Variants in PTPRD observed in about 807,000 individuals in gnomAD.
PTPRD encodes protein tyrosine phosphatase receptor type D, also known as receptor-type tyrosine-protein phosphatase delta.
A neutral mutation model predicts 214.5 loss-of-function variants in PTPRD; 34 were observed. That is an observed-to-expected ratio of 0.16 (90% confidence interval 0.12 to 0.21). The LOEUF (loss-of-function observed/expected upper bound fraction) is 0.21. Ranked by LOEUF, PTPRD falls within the 10% of genes least tolerant of loss-of-function variation. The probability of loss-of-function intolerance (pLI) is 1.00; values close to 1 mark genes in which losing one functional copy is unlikely to be tolerated. For synonymous variants in PTPRD, 1,128 were observed against 845.7 expected, an observed-to-expected ratio of 1.33 and a Z score of -5.79; for missense variants, 2,545 against 2,398.7, an observed-to-expected ratio of 1.06 and a Z score of -1.27.
intron 5 of PTPRD, among the ~76,000 whole-genome samples, chr9:9,901,877 C>T (rs2076484206): frequency 1.3e-5 from 2 of 152,176 alleles, no homozygotes; most frequent in African/African-American, 2.4e-5. Flanking sequence ...GTGCTACACA[C>T]TCTCAAAAGA....
At chr9:9,247,093 T>C (rs144625105) in intron 9 of PTPRD, among the ~76,000 whole-genome samples, 1 of 152,132 alleles carries the variant, frequency 6.6e-6, no homozygotes, top group East Asian at 1.9e-4. Context: ...AGTCTAAAAA[T>C]GTCACTCTAG....
intron 3 of PTPRD, among the ~76,000 whole-genome samples, chr9:10,035,220 A>T (rs1271424416): frequency 2.6e-5 from 4 of 151,950 alleles, no homozygotes; most frequent in African/African-American, 9.7e-5. Flanking sequence ...CTTTTTTTCA[A>T]TATGGTTGTT....
chr9:8,765,963 C>G (rs1416983712), intron 11 of PTPRD, among the ~76,000 whole-genome samples: 1 of 152,010 alleles, frequency 6.6e-6, no homozygotes, highest in Admixed American at 6.6e-5. Context: ...AAATATAGTA[C>G]TCTAAAGCTA....
intron 11 of PTPRD, among the ~76,000 whole-genome samples, chr9:8,736,702 C>CTT (rs35782310): frequency 7.0e-6 from 1 of 143,556 alleles, no homozygotes. Context: ...AGATAGTCTC[C>CTT]TTTTTTTTTT....
intron 11 of PTPRD, among the ~76,000 whole-genome samples, chr9:9,004,452 A>C (rs74491558): frequency 0.021 from 3,171 of 152,024 alleles, 114 homozygotes; most frequent in African/African-American, 0.072. Flanking sequence ...TGGAATTCGA[A>C]AATTTTGGCA....
chr9:9,072,398 T>C (rs2099745084), intron 10 of PTPRD, among the ~76,000 whole-genome samples: 1 of 151,696 alleles, frequency 6.6e-6, no homozygotes, highest in African/African-American at 2.4e-5. Context: ...CTATACACAA[T>C]GTCATTTGGA....
intron 5 of PTPRD, among the ~76,000 whole-genome samples, chr9:9,869,603 G>C (rs553714745): frequency 1.3e-5 from 2 of 152,026 alleles, no homozygotes; most frequent in Non-Finnish European, 2.9e-5. Context: ...AGTATTCTTT[G>C]AAAAAGTAAA....
intron 4 of PTPRD, among the ~76,000 whole-genome samples, chr9:9,984,222 A>C (rs561080200): frequency 6.6e-5 from 10 of 152,322 alleles, no homozygotes; most frequent in South Asian, 6.2e-4. Flanking sequence ...ATCATGAGAA[A>C]GAAACCACAC....
chr9:8,946,375 T>C (rs2099064412), intron 11 of PTPRD, among the ~76,000 whole-genome samples: 2 of 152,290 alleles, frequency 1.3e-5, no homozygotes, highest in South Asian at 4.1e-4. Flanking sequence ...AGGGTTTTGT[T>C]GGAGTACTGG....
chr9:9,101,597 C>A (rs1341942418), intron 10 of PTPRD, among the ~76,000 whole-genome samples: 1 of 152,114 alleles, frequency 6.6e-6, no homozygotes, highest in Non-Finnish European at 1.5e-5. Context: ...GAATTATTAT[C>A]TTTTGTAGCA....
chr9:8,419,261 A>C (rs945781916), intron 35 of PTPRD, among the ~76,000 whole-genome samples: 5 of 151,520 alleles, frequency 3.3e-5, no homozygotes, highest in Non-Finnish European at 7.4e-5. Context: ...GAAAAGAAAA[A>C]CAATATTATT....
intron 8 of PTPRD, among the ~76,000 whole-genome samples, chr9:9,471,822 T>A (rs2094608212): frequency 6.6e-6 from 1 of 152,168 alleles, no homozygotes; most frequent in Non-Finnish European, 1.5e-5. Flanking sequence ...ATAGGCAGCA[T>A]TGCAGCATTC....
chr9:9,115,834 C>T (rs1207610328), intron 10 of PTPRD, among the ~76,000 whole-genome samples: 3 of 152,002 alleles, frequency 2.0e-5, no homozygotes, highest in African/African-American at 7.3e-5. Context: ...AGGTGTCCAT[C>T]AATAGTGGAT....
Position 9,242,276 on chromosome 9 carries a change from C to T in PTPRD, c.-202-58913G>A, listed in dbSNP as rs144468203. ...GACCTTTCTCTCTGGCTGCCCTTAA[C>T]ATTTTTTCCTTCATGTCAACTTTGG... On this transcript the variant is annotated intron_variant, in intron 9 of 45. Coordinates refer to ENST00000381196, the MANE Select transcript of PTPRD (RefSeq NM_002839.4). Among the ~76,000 whole-genome samples, 1,032 of 152,262 alleles carry T rather than the reference C, an allele frequency of 6.8e-3. 11 individuals carry two copies. Among genetic ancestry groups the T allele is most frequent in the African/African-American group, 0.023 (963 of 41,558 alleles).
At chr9:9,064,897 T>C (rs1056102896) in intron 10 of PTPRD, among the ~76,000 whole-genome samples, 25 of 152,104 alleles carry the variant, frequency 1.6e-4, no homozygotes, top group African/African-American at 5.3e-4. Flanking sequence ...TACAATACAA[T>C]GTTATCCAAT....
At chr9:9,872,514 T>C (rs935519538) in intron 5 of PTPRD, among the ~76,000 whole-genome samples, 2 of 152,034 alleles carry the variant, frequency 1.3e-5, no homozygotes, top group Admixed American at 6.6e-5. Flanking sequence ...GGTGGGAGGA[T>C]TGCTTGAGCC....
chr9:10,270,854 T>A (rs1388854780), intron 3 of PTPRD, among the ~76,000 whole-genome samples: 4 of 97,720 alleles, frequency 4.1e-5, no homozygotes, highest in African/African-American at 2.1e-4. Flanking sequence ...ATTTTACTTA[T>A]TTTTTTATGT....
intron 5 of PTPRD, among the ~76,000 whole-genome samples, chr9:9,923,880 G>C (rs972874376): frequency 5.9e-5 from 9 of 151,956 alleles, no homozygotes; most frequent in African/African-American, 1.9e-4. Flanking sequence ...AAGTCCAACA[G>C]AGAAAAACAA....
chr9:10,451,739 T>C (rs1358865482), intron 2 of PTPRD, among the ~76,000 whole-genome samples: 1 of 151,950 alleles, frequency 6.6e-6, no homozygotes, highest in Non-Finnish European at 1.5e-5. Context: ...TAAGTATTCA[T>C]GTGTGTTTTT....
Sources: allele counts gnomAD v4.1 joint callset (sites outside exome capture counted in the v4.1 genomes callset), GRCh38; gene constraint gnomAD v4.1.1; transcripts MANE v1.5; gene names NCBI Gene and HGNC (gene_info 2026-07-23, HGNC 2026-07-21).